CDC16: variants seen among roughly 807,000 people sequenced by gnomAD.
CDC16 encodes cell division cycle protein 16 homolog.
A neutral mutation model predicts 87.0 loss-of-function variants in CDC16; 34 were observed. That is an observed-to-expected ratio of 0.39 (90% CI 0.30 to 0.52). The LOEUF is 0.52. CDC16 is among the 20% of genes least tolerant of loss of function. The pLI, the probability that CDC16 is intolerant of heterozygous loss-of-function variation, is 0.74. For missense variants in CDC16, 653 were observed against 751.9 expected, an observed-to-expected ratio of 0.87 and a Z score of 1.54; for synonymous variants, 263 against 260.6, an observed-to-expected ratio of 1.01 and a Z score of -0.09.
chr13:114,235,090 C>T lies in CDC16; in HGVS notation c.6C>T (p.Asn2=). M[N]LERLRKRVRQ... ...GAGGCCGGGCCCGCGCCGCCATGAA[C>T]CTAGAGCGGCTGCGGAAGCGCGTCC... The change falls in exon 1 of 18, where the codon AAC becomes AAT. Residue 2 remains asparagine (N), a synonymous_variant. Transcript: ENST00000356221. The T allele has an allele frequency of 8.0e-7, 1 of 1,245,372 alleles. No homozygotes were observed. The highest frequency in any genetic ancestry group is 3.1e-5 in the East Asian group (1 of 31,840). The allele number at this position is 1,245,372 out of a possible 1,614,324, so 77.1% of individuals were successfully genotyped here. A position where few individuals can be genotyped will look rare whatever the true frequency, so the allele number is the denominator to read the frequency against.
chr13:114,267,793 G>A (rs183811630), intron 17 of CDC16, among the ~76,000 whole-genome samples: 26 of 145,664 alleles, frequency 1.8e-4, no homozygotes, highest in Non-Finnish European at 2.9e-4. Flanking sequence ...AAACATGGCT[G>A]GATTTTTCTC....
At position 114,243,114 on chromosome 13, in the gene CDC16, T is replaced by C. The variant is rs1411026716; in HGVS notation, c.542-143T>C. On this transcript the variant is annotated intron_variant, in intron 6 of 17. Transcript: ENST00000356221. ...TCAGGCCTGGAGCCACTGTGTCAGC[T>C]TCTGTTGCACATTTTGATCTTATGT... The C allele has an allele frequency of 2.9e-4, 163 of 561,288 alleles. 1 individual carries two copies. In the East Asian group the frequency reaches 4.6e-3, roughly 16 times the overall value. The allele number at this position is 561,288 out of a possible 1,614,324, so 34.8% of individuals were successfully genotyped here. A position where few individuals can be genotyped will look rare whatever the true frequency, so the allele number is the denominator to read the frequency against.
intron 17 of CDC16, among the ~76,000 whole-genome samples, chr13:114,271,652 T>A (rs935544233): frequency 5.9e-5 from 8 of 136,742 alleles, no homozygotes; most frequent in Non-Finnish European, 4.5e-5. Context: ...TTTTTTTGTA[T>A]TTTTTTTTTT....
At chr13:114,236,594 A>T in intron 1 of CDC16, 51 bp from the exon 2 acceptor site, 1 of 1,518,188 alleles carries the variant, frequency 6.6e-7, no homozygotes, top group Non-Finnish European at 9.0e-7. Flanking sequence ...ACTGTTTAAG[A>T]CTATTAAAAT....
At chr13:114,237,647 T>C (rs951183098) in intron 3 of CDC16, among the ~76,000 whole-genome samples, 4 of 152,190 alleles carry the variant, frequency 2.6e-5, no homozygotes, top group Non-Finnish European at 5.9e-5. Flanking sequence ...TCTGTCACCT[T>C]CTTTTTCCCC....
chr13:114,246,854 C>CT (rs1426895397), intron 10 of CDC16, 77 bp from the exon 11 acceptor site: 1 of 867,750 alleles, frequency 1.2e-6, no homozygotes, highest in Non-Finnish European at 2.0e-6. Context: ...TACCCTCTGT[C>CT]TACCCTAATT....
intron 13 of CDC16, 39 bp downstream of exon 13, chr13:114,257,269 T>C (rs761842492): frequency 6.7e-7 from 1 of 1,486,458 alleles, no homozygotes; most frequent in South Asian, 1.2e-5. Context: ...TGTTAACTAG[T>C]GATTGTAAAT....
At chr13:114,249,481 A>G (rs1038407193) in intron 11 of CDC16, among the ~76,000 whole-genome samples, 1 of 152,144 alleles carries the variant, frequency 6.6e-6, no homozygotes, top group Admixed American at 6.5e-5. Context: ...CCTGCTCTAC[A>G]TGAAACAGGT....
chr13:114,243,567 C>T (rs1566643130), intron 7 of CDC16, among the ~76,000 whole-genome samples: 1 of 151,326 alleles, frequency 6.6e-6, no homozygotes, highest in Admixed American at 6.6e-5. Context: ...ATTGAATTAC[C>T]AAGTAAATGT....
At chr13:114,264,945 T>G (rs1048490245) in intron 16 of CDC16, 3 of 483,192 alleles carry the variant, frequency 6.2e-6, no homozygotes, top group Admixed American at 3.3e-5. Context: ...TTGGGGTAGA[T>G]TTCCAGCATA....
intron 1 of CDC16, among the ~76,000 whole-genome samples, chr13:114,236,133 G>C (rs980952340): frequency 6.6e-5 from 10 of 152,198 alleles, no homozygotes. Context: ...TAGACTTGGA[G>C]GAGGTGAGTT....
intron 17 of CDC16, among the ~76,000 whole-genome samples, chr13:114,266,727 T>A (rs1224406498): frequency 3.9e-5 from 6 of 151,966 alleles, no homozygotes. Flanking sequence ...GGAGTCTCGC[T>A]CTGTCGCCCA....
chr13:114,267,786 C>G (rs920964041), intron 17 of CDC16, among the ~76,000 whole-genome samples: 1 of 145,384 alleles, frequency 6.9e-6, no homozygotes, highest in Non-Finnish European at 1.5e-5. Context: ...TCCCATGAAA[C>G]ATGGCTGGAT....
intron 17 of CDC16, among the ~76,000 whole-genome samples, chr13:114,266,817 T>A (rs2083251034): frequency 6.6e-6 from 1 of 152,024 alleles, no homozygotes; most frequent in African/African-American, 2.4e-5. Context: ...TGCCTCAGCC[T>A]CCTGAGTAGC....
intron 13 of CDC16, among the ~76,000 whole-genome samples, chr13:114,257,452 CTTCTT>C (rs1440026918): frequency 6.6e-6 from 1 of 152,204 alleles, no homozygotes; most frequent in Non-Finnish European, 1.5e-5. Context: ...TGAGCTACCA[CTTCTT>C]TTCTTACATG....
chr13:114,236,701 T>C lies in CDC16; in HGVS notation c.103+2T>C. The C allele has an allele frequency of 1.2e-6, 2 of 1,613,946 alleles. No individual in the cohort carries two copies. Among genetic ancestry groups the C allele is most frequent in the Non-Finnish European group, 1.7e-6 (2 of 1,180,014 alleles). On this transcript the variant is annotated splice_donor_variant, in intron 2 of 17. Coordinates refer to ENST00000356221, the MANE Select transcript of CDC16 (RefSeq NM_001078645.3). LOFTEE classifies it high-confidence loss of function. ...ATAAAGTAGCTTCACTCTCTCGTGG[T>C]AAGTGACAAAATGCTAACTGGTTTT...
In CDC16 at chr13:114,244,027, G is replaced by A. The variant is rs150398862; in HGVS notation, c.767+38G>A. Reference sequence around the variant, plus strand: ...ATCCATTTTTCTGTAGGAACATGGAGTTCACTCCATCTTACCTAGGTGATT... The same window carrying A: ...ATCCATTTTTCTGTAGGAACATGGAATTCACTCCATCTTACCTAGGTGATT... On this transcript the variant is annotated intron_variant, in intron 8 of 17. Transcript: ENST00000356221. 1.0e-5 allele frequency: 15 copies of A among 1,485,888 alleles called. 1 individual carries two copies. The East Asian group carries it at 1.6e-4, about 16-fold the overall frequency. 92.0% of individuals were successfully genotyped at this position (1,485,888 alleles called of 1,614,324 possible). A position where few individuals can be genotyped will look rare whatever the true frequency, so the allele number is the denominator to read the frequency against.
chr13:114,267,363 T>C (rs528939403), intron 17 of CDC16, among the ~76,000 whole-genome samples: 2 of 151,644 alleles, frequency 1.3e-5, no homozygotes, highest in East Asian at 1.9e-4. Flanking sequence ...TGGCCAGGCA[T>C]AGTGGCAGAC....
chr13:114,266,073 T>C (rs2083195642), intron 17 of CDC16, among the ~76,000 whole-genome samples: 1 of 152,204 alleles, frequency 6.6e-6, no homozygotes, highest in South Asian at 2.1e-4. Flanking sequence ...TGCCTCGGCC[T>C]CTCAAAGTGC....
Sources: gnomAD v4.1 joint callset for allele counts (sites outside exome capture counted in the v4.1 genomes callset) on GRCh38, gnomAD v4.1.1 for gene constraint, MANE v1.5 for transcripts, NCBI Gene and HGNC (gene_info 2026-07-23, HGNC 2026-07-21) for gene names.